NSD3: variants seen among roughly 807,000 people sequenced by gnomAD.
NSD3 encodes the protein histone-lysine N-methyltransferase NSD3.
NSD3 carries 24 observed loss-of-function variants against 160.8 expected under a neutral mutation model. The observed-to-expected ratio is 0.15, with a 90% CI of 0.11 to 0.21. NSD3 has a LOEUF of 0.21. Among genes scored for constraint, NSD3 ranks in the 10% least tolerant of loss-of-function variants. The pLI, the probability that NSD3 is intolerant of heterozygous loss-of-function variation, is 1.00. For synonymous variants in NSD3, 520 were observed against 600.0 expected (o/e 0.87, Z 1.95); for missense variants, 1,157 against 1,735.9 (o/e 0.67, Z 5.93).
rs1243980846 is a variant in NSD3, at chr8:38,275,629, GACACC to G, written c.*7_*11del. 6.2e-7 allele frequency: 1 copy of G among 1,608,284 alleles called. No individual in the cohort carries two copies. Among genetic ancestry groups the G allele is most frequent in the South Asian group, 1.1e-5 (1 of 90,656 alleles). On this transcript the variant is annotated 3_prime_UTR_variant, in exon 24 of 24. Coordinates refer to ENST00000317025, the MANE Select transcript of NSD3 (RefSeq NM_023034.2). ...TTTTTCACTTAAATAGAAAGGAGGG[GACACC>G]ACACATTTATTCTTTTACTTCTTCT... is the stretch of plus-strand genomic sequence containing the variant.
intron 2 of NSD3, among the ~76,000 whole-genome samples, chr8:38,345,947 T>C (rs1192980028): frequency 1.3e-5 from 2 of 151,902 alleles, no homozygotes; most frequent in African/African-American, 4.8e-5. Context: ...AACATTCTAA[T>C]CCTGAGCTAT....
chr8:38,327,124 T>C (rs1390212845), intron 6 of NSD3, among the ~76,000 whole-genome samples: 1 of 151,552 alleles, frequency 6.6e-6, no homozygotes, highest in African/African-American at 2.4e-5. Context: ...TCTTGGCTCA[T>C]TGCAACCTCT....
intron 1 of NSD3, among the ~76,000 whole-genome samples, chr8:38,378,549 G>T (rs1032220634): frequency 4.6e-5 from 7 of 152,190 alleles, no homozygotes; most frequent in Admixed American, 2.6e-4. Context: ...GGCTGAGGCA[G>T]GAGAATGGTG....
intron 12 of NSD3, among the ~76,000 whole-genome samples, chr8:38,312,041 A>G (rs1159840044): frequency 6.6e-6 from 1 of 152,308 alleles, no homozygotes; most frequent in East Asian, 1.9e-4. Flanking sequence ...ATTTGTTGGA[A>G]AGACTGTCTT....
chr8:38,278,294 T>C lies in NSD3; in HGVS notation c.3867+12A>G, dbSNP rs776443048. ...CGCCTGTTGACTGGGGGCGCTCCCC[T>C]GCAAGACTGACCTTTGGCCGCACTC... On this transcript the variant is annotated intron_variant, in intron 22 of 23. Coordinates refer to ENST00000317025, the MANE Select transcript of NSD3 (RefSeq NM_023034.2). 6.2e-7 allele frequency: 1 copy of C among 1,613,018 alleles called. No individual in the cohort carries two copies. Among genetic ancestry groups the C allele is most frequent in the Admixed American group, 1.7e-5 (1 of 59,900 alleles).
rs1350320933 is a variant in NSD3 at position 38,271,055 on chromosome 8, T to A, written c.*4586A>T. ...AAAGAAGATGTGCTTGGGGAGAGGG[T>A]TGACAAAATGACAAAATAAAGAATG... On this transcript the variant is annotated 3_prime_UTR_variant, in exon 24 of 24. Transcript: ENST00000317025. 6.6e-6 allele frequency: 1 copy of A among 152,050 alleles called. No homozygotes were observed. Among genetic ancestry groups the A allele is most frequent in the African/African-American group, 2.4e-5 (1 of 41,396 alleles). 9.4% of individuals were successfully genotyped at this position (152,050 alleles called of 1,614,324 possible). A position where few individuals can be genotyped will look rare whatever the true frequency, so the allele number is the denominator to read the frequency against.
chr8:38,326,707 A>G (rs1809920258), intron 7 of NSD3, 23 bp downstream of exon 7: 2 of 1,610,652 alleles, frequency 1.2e-6, no homozygotes, highest in Non-Finnish European at 1.7e-6. Flanking sequence ...ATGGACCTAT[A>G]TATACTTTTC....
rs1193436164 is a variant in NSD3 at position 38,326,850 on chromosome 8, C to A, written c.1588G>T (p.Gly530Cys). ...DQFVYSTKGI[G>C]NKTEISVRGQ... ...CTGACACTTATTTCTGTTTTGTTAC[C>A]AATTCCCTTTAAAATAAGGCAAAAG... Residue 530 changes from glycine to cysteine, a missense_variant, in exon 7 of 24, where the codon GGT becomes TGT. By Grantham distance (159) the Gly-to-Cys change is radical. Coordinates refer to ENST00000317025, the MANE Select transcript of NSD3 (RefSeq NM_023034.2). 5 of 1,613,184 alleles carry A rather than the reference C, an allele frequency of 3.1e-6. No homozygotes were observed.
rs771237621 is a variant in NSD3 at position 38,337,510 on chromosome 8, A to T, written c.748-43T>A. The T allele has an allele frequency of 3.3e-6, 5 of 1,498,158 alleles. No homozygotes were observed. In the East Asian group the frequency reaches 1.2e-4, roughly 36 times the overall value. 92.8% of individuals were successfully genotyped at this position (1,498,158 alleles called of 1,614,324 possible). A position where few individuals can be genotyped will look rare whatever the true frequency, so the allele number is the denominator to read the frequency against. ...AAAACTTCATCAGAAATTCAAAAAA[A>T]GAAACTATGTATAAAGTACATTAAA... is the stretch of plus-strand genomic sequence containing the variant. On this transcript the variant is annotated intron_variant, in intron 3 of 23. Coordinates refer to ENST00000317025, the MANE Select transcript of NSD3 (RefSeq NM_023034.2).
intron 1 of NSD3, among the ~76,000 whole-genome samples, chr8:38,375,277 G>C (rs1811360111): frequency 1.3e-5 from 2 of 152,028 alleles, no homozygotes; most frequent in South Asian, 4.1e-4. Flanking sequence ...AATATTAGAA[G>C]GGGGAAAAGT....
intron 12 of NSD3, among the ~76,000 whole-genome samples, chr8:38,313,192 C>T (rs1809573684): frequency 6.6e-6 from 1 of 151,946 alleles, no homozygotes; most frequent in South Asian, 2.1e-4. Flanking sequence ...AGTTTATGTA[C>T]ATGTGTGTGT....
intron 1 of NSD3, among the ~76,000 whole-genome samples, chr8:38,357,118 CA>C (rs966483645): frequency 0.017 from 364 of 21,294 alleles, no homozygotes; most frequent in South Asian, 0.035. Flanking sequence ...GACACCATCT[CA>C]AAAAAAAAAA....
At chr8:38,283,173 G>A (rs1463491863) in intron 19 of NSD3, among the ~76,000 whole-genome samples, 1 of 152,122 alleles carries the variant, frequency 6.6e-6, no homozygotes, top group African/African-American at 2.4e-5. Flanking sequence ...GGCATACAGT[G>A]ATAAGCTCCT....
chr8:38,304,436 C>A, intron 14 of NSD3, 151 bp downstream of exon 14: 1 of 576,936 alleles, frequency 1.7e-6, no homozygotes, highest in East Asian at 3.0e-5. Flanking sequence ...AAATGTTCAT[C>A]TCTCTCAGGG....
chr8:38,314,906 G>T, intron 11 of NSD3, 133 bp from the exon 12 acceptor site: 1 of 858,186 alleles, frequency 1.2e-6, no homozygotes, highest in Non-Finnish European at 1.8e-6. Flanking sequence ...GGGGCCCCAA[G>T]AATGTGCATT....
intron 7 of NSD3, among the ~76,000 whole-genome samples, chr8:38,324,370 T>C (rs1282848321): frequency 6.6e-6 from 1 of 152,218 alleles, no homozygotes; most frequent in Non-Finnish European, 1.5e-5. Flanking sequence ...ATTTTCTTTT[T>C]AAGAAAGCTA....
chr8:38,350,973 C>CTTT (rs35184943), intron 1 of NSD3, among the ~76,000 whole-genome samples: 4 of 134,158 alleles, frequency 3.0e-5, no homozygotes, highest in East Asian at 2.2e-4. Context: ...CTAGAAAGTT[C>CTTT]TTTTTTTTTT....
Position 38,270,557 on chromosome 8 carries a change from CAAGT to C in NSD3, c.*5080_*5083del, listed in dbSNP as rs1490337374. 1 of 152,122 alleles carries C rather than the reference CAAGT, an allele frequency of 6.6e-6. No homozygotes were observed. Among genetic ancestry groups the C allele is most frequent in the Non-Finnish European group, 1.5e-5 (1 of 68,030 alleles). 9.4% of individuals were successfully genotyped at this position (152,122 alleles called of 1,614,324 possible). A position where few individuals can be genotyped will look rare whatever the true frequency, so the allele number is the denominator to read the frequency against. On this transcript the variant is annotated 3_prime_UTR_variant, in exon 24 of 24. Coordinates refer to ENST00000317025, the MANE Select transcript of NSD3 (RefSeq NM_023034.2). ...ACAAATGAGATAAAATAATGACAAC[CAAGT>C]AAGTTTTATCCAGTCCATTTCTAAA... is the stretch of plus-strand genomic sequence containing the variant.
chr8:38,324,220 G>T (rs1425219764), intron 7 of NSD3, among the ~76,000 whole-genome samples: 3 of 152,050 alleles, frequency 2.0e-5, no homozygotes, highest in Non-Finnish European at 4.4e-5. Flanking sequence ...TGTAGTACTG[G>T]ACTTTGCTAT....
Sources: gnomAD v4.1 joint callset for allele counts (sites outside exome capture counted in the v4.1 genomes callset) on GRCh38, gnomAD v4.1.1 for gene constraint, MANE v1.5 for transcripts, NCBI Gene and HGNC (gene_info 2026-07-23, HGNC 2026-07-21) for gene names.